Variants in GARNL3 observed in about 807,000 individuals in gnomAD.
GARNL3 encodes GTPase activating Rap/RanGAP domain like 3, also known as GTPase-activating Rap/Ran-GAP domain-like protein 3.
In GARNL3, 63 loss-of-function variants were observed where a neutral mutation model predicts 125.0. The ratio of observed to expected loss-of-function variants is 0.50; its 90% CI spans 0.41 to 0.62. The LOEUF (loss-of-function observed/expected upper bound fraction) is 0.62, where lower values mean the gene tolerates loss of function less well. Among genes scored for constraint, GARNL3 ranks in the 20% least tolerant of loss-of-function variants. The probability of loss-of-function intolerance (pLI) is 0.00; values close to 1 mark genes in which losing one functional copy is unlikely to be tolerated. For missense variants in GARNL3, 994 were observed against 1,244.0 expected (o/e 0.80, Z 3.02); for synonymous variants, 439 against 457.5 (o/e 0.96, Z 0.52).
rs78186351 is a variant in GARNL3, at chr9:127,291,873, G to A, written c.219+631G>A. Among the ~76,000 whole-genome samples the A allele has an allele frequency of 4.1e-3, 617 of 151,392 alleles. 23 individuals carry two copies. In the East Asian group the frequency reaches 0.1, roughly 25 times the overall value. ...TAGCTCATCATAGCTCTAGTTCCCT[G>A]ACCCTGACCCTGGGCAAGGACCCCA... On this transcript the variant is annotated intron_variant, in intron 2 of 27. Coordinates refer to ENST00000373387, the MANE Select transcript of GARNL3 (RefSeq NM_032293.5).
chr9:127,351,386 C>T lies in GARNL3; in HGVS notation c.1543+2351C>T, dbSNP rs1830416988. On this transcript the variant is annotated intron_variant, in intron 17 of 27. Coordinates refer to ENST00000373387, the MANE Select transcript of GARNL3 (RefSeq NM_032293.5). Reference sequence around the variant, plus strand: ...GCCTTCAACAGGATGGTGGGTGTAGCTGTTTACACCCACCATTGCTTTGGT... The same window carrying T: ...GCCTTCAACAGGATGGTGGGTGTAGTTGTTTACACCCACCATTGCTTTGGT... 2.0e-5 allele frequency among the ~76,000 whole-genome samples: 3 copies of T among 152,052 alleles called. No homozygotes were observed. The South Asian group carries it at 6.2e-4, about 31-fold the overall frequency.
intron 2 of GARNL3, among the ~76,000 whole-genome samples, chr9:127,252,266 G>A (rs574718022): frequency 6.6e-6 from 1 of 152,262 alleles, no homozygotes; most frequent in South Asian, 2.1e-4. Flanking sequence ...TAGAGGAAAA[G>A]TTTTTCTTCC....
rs750450120 is a variant in GARNL3, at chr9:127,393,083, G to A, written c.2871G>A (p.Arg957=). 16 of 1,592,090 alleles carry A rather than the reference G, an allele frequency of 1.0e-5. No homozygotes were observed. The African/African-American group carries it at 1.6e-4, about 16-fold the overall frequency. ...PGAVRSSSSD[R]IPSGSLESAS... ...TCTTACAGTGACTTTTCTCTTCTAG[G>A]ATCCCATCAGGCTCCTTGGAAAGTG... Residue 957 remains arginine (R), a splice_region_variant and synonymous_variant, in exon 28 of 28, where the codon AGG becomes AGA. Transcript: ENST00000373387.
chr9:127,336,820 C>G (rs1177657685), intron 11 of GARNL3, among the ~76,000 whole-genome samples: 2 of 152,222 alleles, frequency 1.3e-5, no homozygotes, highest in Non-Finnish European at 2.9e-5. Flanking sequence ...TGAGCTTGAC[C>G]TGCCCAGCAG....
At chr9:127,278,541 A>C (rs2064017226) in intron 1 of GARNL3, among the ~76,000 whole-genome samples, 1 of 152,168 alleles carries the variant, frequency 6.6e-6, no homozygotes, top group African/African-American at 2.4e-5. Context: ...CATGTCTCTG[A>C]TTCATAGCTT....
intron 2 of GARNL3, among the ~76,000 whole-genome samples, chr9:127,252,763 A>G (rs2063428501): frequency 6.6e-6 from 1 of 152,256 alleles, no homozygotes; most frequent in African/African-American, 2.4e-5. Context: ...TTTACATGCA[A>G]TAAAATGCAG....
chr9:127,371,749 TTATA>T (rs1163081287), intron 22 of GARNL3, among the ~76,000 whole-genome samples: 2 of 152,366 alleles, frequency 1.3e-5, no homozygotes, highest in East Asian at 3.9e-4. Context: ...CATTAATGTG[TTATA>T]TATTTTGTTA....
At chr9:127,332,545 C>T (rs1413905592) in intron 8 of GARNL3, among the ~76,000 whole-genome samples, 196 bp downstream of exon 8, 1 of 152,092 alleles carries the variant, frequency 6.6e-6, no homozygotes, top group Non-Finnish European at 1.5e-5. Flanking sequence ...TTGATCACCT[C>T]GTTTGTACCC....
intron 17 of GARNL3, among the ~76,000 whole-genome samples, chr9:127,352,416 A>T (rs1830465410): frequency 6.6e-6 from 1 of 152,224 alleles, no homozygotes; most frequent in Admixed American, 6.5e-5. Context: ...CTTCTCCCAC[A>T]AATGGAATAA....
rs553610803 is a variant in GARNL3, at chr9:127,353,657, T to A, written c.1544-189T>A. On this transcript the variant is annotated intron_variant, in intron 17 of 27. Coordinates refer to ENST00000373387, the MANE Select transcript of GARNL3 (RefSeq NM_032293.5). ...ATTGCCTATGGGAAGAAAGCATCAG[T>A]ACTTCTTCCTGAGCTAGGAGGAGAA... 9.9e-6 allele frequency: 6 copies of A among 603,184 alleles called. No individual in the cohort carries two copies. The South Asian group carries it at 1.2e-4, about 12-fold the overall frequency. 37.4% of individuals were successfully genotyped at this position (603,184 alleles called of 1,614,324 possible). A position where few individuals can be genotyped will look rare whatever the true frequency, so the allele number is the denominator to read the frequency against.
chr9:127,344,215 A>G lies in GARNL3; in HGVS notation c.1252-20A>G, dbSNP rs749595114. On this transcript the variant is annotated intron_variant, in intron 14 of 27. Transcript: ENST00000373387. ...CTTAACAACTGTTTGTGGAATTCAT[A>G]ACTTGTTTTTCTTTTTTAGAACATG... 22 of 1,529,766 alleles carry G rather than the reference A, an allele frequency of 1.4e-5. No homozygotes were observed. In the Admixed American group the frequency reaches 2.5e-4, roughly 18 times the overall value. The allele number at this position is 1,529,766 out of a possible 1,614,324, so 94.8% of individuals were successfully genotyped here. A position where few individuals can be genotyped will look rare whatever the true frequency, so the allele number is the denominator to read the frequency against.
intron 2 of GARNL3, among the ~76,000 whole-genome samples, chr9:127,252,925 C>CT (rs1239753102): frequency 1.3e-5 from 2 of 152,268 alleles, no homozygotes; most frequent in East Asian, 3.8e-4. Flanking sequence ...GAACTGACAG[C>CT]TAGTGAGCCA....
intron 1 of GARNL3, among the ~76,000 whole-genome samples, chr9:127,224,935 GGC>G (rs1258617330): frequency 2.0e-4 from 28 of 136,670 alleles, no homozygotes; most frequent in African/African-American, 7.4e-4. Flanking sequence ...GCGTGGGCGG[GGC>G]GTGGGCGGGG....
chr9:127,262,906 G>A (rs745812726), upstream of GARNL3, among the ~76,000 whole-genome samples: 8 of 152,238 alleles, frequency 5.3e-5, no homozygotes, highest in Non-Finnish European at 8.8e-5. Flanking sequence ...GAGGCCTAGA[G>A]GCCAGAGAGC....
At chr9:127,303,129 C>T (rs918687460) in intron 2 of GARNL3, among the ~76,000 whole-genome samples, 3 of 151,672 alleles carry the variant, frequency 2.0e-5, no homozygotes, top group Admixed American at 6.6e-5. Context: ...CCAGCCTGGG[C>T]GACAGAGCAA....
intron 1 of GARNL3, among the ~76,000 whole-genome samples, chr9:127,226,416 T>C (rs906738701): frequency 1.3e-5 from 2 of 152,222 alleles, no homozygotes; most frequent in African/African-American, 4.8e-5. Context: ...GAGCCTGGCA[T>C]ATAAGCATCG....
intron 11 of GARNL3, among the ~76,000 whole-genome samples, chr9:127,336,645 C>T (rs543878911): frequency 2.0e-5 from 3 of 152,284 alleles, no homozygotes; most frequent in African/African-American, 7.2e-5. Flanking sequence ...CCCTGGTAAT[C>T]GCTGTTGTAT....
rs1458950029 is a variant in GARNL3 at position 127,383,640 on chromosome 9, C to T, written c.2269+95C>T. ...ATGTAAGCAAATCACTGGCTTACTGCGAAATTGCTATAAATTATACGCGTA... is the reference window on the plus strand; with the variant it reads ...ATGTAAGCAAATCACTGGCTTACTGTGAAATTGCTATAAATTATACGCGTA... On this transcript the variant is annotated intron_variant, in intron 23 of 27. Transcript: ENST00000373387. The T allele has an allele frequency of 5.4e-5, 39 of 715,734 alleles. No individual in the cohort carries two copies. The Admixed American group carries it at 7.6e-4, about 14-fold the overall frequency. 44.3% of individuals were successfully genotyped at this position (715,734 alleles called of 1,614,324 possible).
chr9:127,303,434 G>A (rs1393158433), intron 2 of GARNL3, among the ~76,000 whole-genome samples: 1 of 152,164 alleles, frequency 6.6e-6, no homozygotes, highest in Non-Finnish European at 1.5e-5. Context: ...AAAGAAGTAG[G>A]TTGGGTCATG....
Sources: allele counts gnomAD v4.1 joint callset (sites outside exome capture counted in the v4.1 genomes callset), GRCh38; gene constraint gnomAD v4.1.1; transcripts MANE v1.5; gene names NCBI Gene and HGNC (gene_info 2026-07-23, HGNC 2026-07-21).